Variants in CD3D observed in about 807,000 individuals in gnomAD.
CD3D encodes CD3 delta subunit of T-cell receptor complex.
In CD3D, 22 loss-of-function variants were observed where a neutral mutation model predicts 22.0. That is an observed-to-expected ratio of 1.00 (90% confidence interval 0.71 to 1.43). The LOEUF is 1.43. Ranked by LOEUF, CD3D falls within the 40% of genes most tolerant of loss-of-function variation. The pLI, the probability that CD3D is intolerant of heterozygous loss-of-function variation, is 0.00. For missense variants in CD3D, 205 were observed against 211.7 expected, an observed-to-expected ratio of 0.97 and a Z score of 0.20; for synonymous variants, 74 against 81.2, an observed-to-expected ratio of 0.91 and a Z score of 0.48.
At position 118,342,578 on chromosome 11, in the gene CD3D, C is replaced by G; in HGVS notation, c.30G>C (p.Leu10=). Residue 10 remains leucine (L), a synonymous_variant, in exon 1 of 5, where the codon CTG becomes CTC. Coordinates refer to ENST00000300692, the MANE Select transcript of CD3D (RefSeq NM_000732.6). MEHSTFLSG[L]VLATLLSQVS... is the part of the protein sequence containing the mutation. ...CTTGCGAGAGAAGGGTAGCCAGTAC[C>G]AGGCCAGAGAGAAACGTGCTATGTT... 1 of 1,613,824 alleles carries G rather than the reference C, an allele frequency of 6.2e-7. No individual in the cohort carries two copies. Among genetic ancestry groups the G allele is most frequent in the Non-Finnish European group, 8.5e-7 (1 of 1,179,798 alleles).
Position 118,340,422 on chromosome 11 carries a change from G to C in CD3D, c.227C>G (p.Thr76Arg), listed in dbSNP as rs1289724465. 1 of 1,614,054 alleles carries C rather than the reference G, an allele frequency of 6.2e-7. No homozygotes were observed. The highest frequency in any genetic ancestry group is 8.5e-7 in the Non-Finnish European group (1 of 1,179,974). ...AGATTCTTTGTCCTTGTATATATCT[G>C]TCCCATTACACCTATATATTCCTCG... ...DPRGIYRCNG[T>R]DIYKDKESTV... Residue 76 changes from threonine (T) to arginine (R), a missense_variant, in exon 2 of 5, where the codon ACA becomes AGA. Coordinates refer to ENST00000300692, the MANE Select transcript of CD3D (RefSeq NM_000732.6).
At position 118,340,580 on chromosome 11, in the gene CD3D, C is replaced by A. The variant is rs370657743; in HGVS notation, c.69G>T (p.Lys23Asn). 17 of 1,613,192 alleles carry A rather than the reference C, an allele frequency of 1.1e-5. No individual in the cohort carries two copies. Among genetic ancestry groups the A allele is most frequent in the Non-Finnish European group, 1.4e-5 (17 of 1,179,274 alleles). The stretch of plus-strand genomic sequence containing the variant: ...TGTCCTCAAGTTCCTCTATAGGTAT[C>A]TTGAAGGGGCTCACTAAAGGGGAAA... ...ATLLSQVSPFKIPIEELEDRV... is the reference protein window; with the variant it reads ...ATLLSQVSPFNIPIEELEDRV... The change falls in exon 2 of 5, where the codon AAG becomes AAT. Residue 23 changes from lysine (K) to asparagine (N), a missense_variant. By Grantham distance (94) the Lys-to-Asn change is moderately conservative (BLOSUM62 0). Transcript: ENST00000300692.
At chr11:118,339,354 A>G (rs1224392419) in intron 4 of CD3D, 97 bp downstream of exon 4, 3 of 1,502,630 alleles carry the variant, frequency 2.0e-6, no homozygotes, top group East Asian at 2.3e-5. Context: ...TGAACTCCCC[A>G]GTAGGACCCT....
In CD3D at chr11:118,339,193, T is replaced by A. The variant is rs1246867427; in HGVS notation, c.485A>T (p.His162Leu). The A allele has an allele frequency of 6.2e-7, 1 of 1,613,964 alleles. No homozygotes were observed. The highest frequency in any genetic ancestry group is 1.7e-5 in the Admixed American group (1 of 60,016). ...GTTCCGAGCCCAGTTTCCTCCAAGG[T>A]GGCTGTACTGAGCATCATCTCGATC... Reference protein sequence around the residue: ...LRDRDDAQYSHLGGNWARNK With the variant: ...LRDRDDAQYSLLGGNWARNK Residue 162 changes from histidine to leucine, a missense_variant, in exon 5 of 5, where the codon CAC becomes CTC. Transcript: ENST00000300692.
Position 118,339,762 on chromosome 11 carries a change from C to T in CD3D, c.406+13G>A, listed in dbSNP as rs2134059256. ...CACACAAACACACTCTCATGCTCTG[C>T]TCTTCCACTAACCCCCAGACAGCCT... On this transcript the variant is annotated intron_variant, in intron 3 of 4. Transcript: ENST00000300692. 6.2e-7 allele frequency: 1 copy of T among 1,613,010 alleles called. No homozygotes were observed. The highest frequency in any genetic ancestry group is 8.5e-7 in the Non-Finnish European group (1 of 1,179,704).
At chr11:118,341,955 G>A (rs1163344035) in intron 1 of CD3D, among the ~76,000 whole-genome samples, 2 of 152,170 alleles carry the variant, frequency 1.3e-5, no homozygotes, top group African/African-American at 4.8e-5. Flanking sequence ...AGGAAGCTGT[G>A]CTCCCATGGC....
chr11:118,340,602 G>GA lies in CD3D; in HGVS notation c.56-10dup, dbSNP rs1264668031. On this transcript the variant is annotated splice_polypyrimidine_tract_variant and intron_variant, in intron 1 of 4. Transcript: ENST00000300692. ...TATCTTGAAGGGGCTCACTAAAGGG[G>GA]AAAAAATATCACAGTTGGAGACAGC... 2 of 1,593,016 alleles carry GA rather than the reference G, an allele frequency of 1.3e-6. No homozygotes were observed. The highest frequency in any genetic ancestry group is 1.3e-5 in the African/African-American group (1 of 74,570).
In CD3D at chr11:118,339,078, G is replaced by T; in HGVS notation, c.*84C>A. On this transcript the variant is annotated 3_prime_UTR_variant, in exon 5 of 5. Coordinates refer to ENST00000300692, the MANE Select transcript of CD3D (RefSeq NM_000732.6). ...CTTAAGAAGCCCAGGCACCTGCTGA[G>T]TGAAAGAGGATATATTTATTGGCTG... is the stretch of plus-strand genomic sequence containing the variant. The T allele has an allele frequency of 8.1e-7, 1 of 1,241,364 alleles. No homozygotes were observed. The highest frequency in any genetic ancestry group is 1.2e-6 in the Non-Finnish European group (1 of 840,250). The allele number at this position is 1,241,364 out of a possible 1,614,324, so 76.9% of individuals were successfully genotyped here.
chr11:118,340,283 C>T (rs1165741334), intron 2 of CD3D, 92 bp downstream of exon 2: 3 of 1,001,294 alleles, frequency 3.0e-6, no homozygotes, highest in Non-Finnish European at 4.7e-6. Context: ...GTTTAGAGAA[C>T]AGATGGGTTC....
Position 118,340,380 on chromosome 11 carries a change from T to C in CD3D, c.269A>G (p.Tyr90Cys), listed in dbSNP as rs561302204. ...AGGGTTCAGGAAGCACGTACTTCGA[T>C]AATGAACTTGCACGGTAGATTCTTT... ...KDKESTVQVH[Y>C]RMCQSCVELD... Residue 90 changes from tyrosine to cysteine, a missense_variant, in exon 2 of 5, where the codon TAT (tyrosine) becomes TGT (cysteine). Physicochemically the swap from Tyr to Cys is radical, Grantham distance 194. Coordinates refer to ENST00000300692, the MANE Select transcript of CD3D (RefSeq NM_000732.6). 1 of 1,612,956 alleles carries C rather than the reference T, an allele frequency of 6.2e-7. No homozygotes were observed. The highest frequency in any genetic ancestry group is 1.1e-5 in the South Asian group (1 of 91,056).
In CD3D at chr11:118,339,479, G is replaced by A; in HGVS notation, c.422C>T (p.Ala141Val). The change falls in exon 4 of 5, where the codon GCT becomes GTT. Residue 141 changes from alanine to valine, a missense_variant. Transcript: ENST00000300692. ...GRLSGAADTQ[A>V]LLRNDQVYQP... ...ATAGACCTGGTCATTCCTCAACAGAGCTTGTGTGTCGGCAGCTAGAAGAAC... is the reference window on the plus strand; with the variant it reads ...ATAGACCTGGTCATTCCTCAACAGAACTTGTGTGTCGGCAGCTAGAAGAAC... The A allele has an allele frequency of 6.2e-7, 1 of 1,614,088 alleles. No individual in the cohort carries two copies. Among genetic ancestry groups the A allele is most frequent in the Non-Finnish European group, 8.5e-7 (1 of 1,180,026 alleles).
intron 3 of CD3D, 50 bp from the exon 4 acceptor site, chr11:118,339,544 G>A (rs1476559518): frequency 1.9e-6 from 3 of 1,605,992 alleles, no homozygotes; most frequent in African/African-American, 2.7e-5. Flanking sequence ...GGGACTGTGA[G>A]ATCCACCCTC....
intron 1 of CD3D, 65 bp from the exon 2 acceptor site, chr11:118,340,658 C>A (rs779383299): frequency 2.9e-5 from 34 of 1,164,744 alleles, no homozygotes; most frequent in Non-Finnish European, 3.8e-5. Flanking sequence ...CTTTGTTCTG[C>A]GGAAGCTCAT....
In CD3D at chr11:118,341,333, G is replaced by A. The variant is rs545920665; in HGVS notation, c.56-740C>T. ...GTGGGAGACTTTTAGGGCTGGAGGT[G>A]AGTGCAGCAACATTCCAGATGCAGT... On this transcript the variant is annotated intron_variant, in intron 1 of 4. Coordinates refer to ENST00000300692, the MANE Select transcript of CD3D (RefSeq NM_000732.6). 2.6e-5 allele frequency among the ~76,000 whole-genome samples: 4 copies of A among 152,334 alleles called. No individual in the cohort carries two copies. In the East Asian group the frequency reaches 7.7e-4, roughly 29 times the overall value.
rs1027786730 is a variant in CD3D, at chr11:118,340,717, C to T, written c.56-124G>A. 4 of 754,156 alleles carry T rather than the reference C, an allele frequency of 5.3e-6. No homozygotes were observed. In the Admixed American group the frequency reaches 6.0e-5, roughly 11 times the overall value. The allele number at this position is 754,156 out of a possible 1,614,324, so 46.7% of individuals were successfully genotyped here. ...GTCCAGGACAGTTTATGGCTTCCATCAAGAGAGACAGAAGTCACAAGAAAA... is the reference window on the plus strand; with the variant it reads ...GTCCAGGACAGTTTATGGCTTCCATTAAGAGAGACAGAAGTCACAAGAAAA... On this transcript the variant is annotated intron_variant, in intron 1 of 4. Transcript: ENST00000300692.
chr11:118,340,420 C>G lies in CD3D; in HGVS notation c.229G>C (p.Asp77His), dbSNP rs1244205888. ...GTAGATTCTTTGTCCTTGTATATAT[C>G]TGTCCCATTACACCTATATATTCCT... ...PRGIYRCNGT[D>H]IYKDKESTVQ... Residue 77 changes from aspartate (D) to histidine (H), a missense_variant, in exon 2 of 5, where the codon GAT (aspartate) becomes CAT (histidine). Physicochemically the swap from Asp to His is moderately conservative, Grantham distance 81 (BLOSUM62 -1). Transcript: ENST00000300692. 3 of 1,614,122 alleles carry G rather than the reference C, an allele frequency of 1.9e-6. No homozygotes were observed. Among genetic ancestry groups the G allele is most frequent in the Admixed American group, 3.3e-5 (2 of 60,018 alleles).
rs1591277136 is a variant in CD3D, at chr11:118,339,102, T to G, written c.*60A>C. 1 of 1,408,164 alleles carries G rather than the reference T, an allele frequency of 7.1e-7. No individual in the cohort carries two copies. Among genetic ancestry groups the G allele is most frequent in the African/African-American group, 1.4e-5 (1 of 70,946 alleles). 87.2% of individuals were successfully genotyped at this position (1,408,164 alleles called of 1,614,324 possible). On this transcript the variant is annotated 3_prime_UTR_variant, in exon 5 of 5. Coordinates refer to ENST00000300692, the MANE Select transcript of CD3D (RefSeq NM_000732.6). ...AGTGAAAGAGGATATATTTATTGGC[T>G]GAGCAAGAAGGGAAGGTACAGTTGG... is the stretch of plus-strand genomic sequence containing the variant.
At chr11:118,340,942 T>C (rs1220925426) in intron 1 of CD3D, 1 of 531,290 alleles carries the variant, frequency 1.9e-6, no homozygotes, top group Non-Finnish European at 3.6e-6. Context: ...CTGGAAGATG[T>C]GGAAAGACAG....
intron 3 of CD3D, 56 bp downstream of exon 3, chr11:118,339,709 TACACACACAC>T (rs67065773): frequency 8.4e-6 from 13 of 1,539,252 alleles, no homozygotes; most frequent in Admixed American, 1.8e-5. Context: ...AGCTCACTGG[TACACACACAC>T]ACACACACAC....
Sources: gnomAD v4.1 joint callset for allele counts (sites outside exome capture counted in the v4.1 genomes callset) on GRCh38, gnomAD v4.1.1 for gene constraint, MANE v1.5 for transcripts, NCBI Gene and HGNC (gene_info 2026-07-23, HGNC 2026-07-21) for gene names.